STX7: variants seen among roughly 807,000 people sequenced by gnomAD.
STX7 encodes the protein syntaxin 7.
Under a neutral mutation model 39.6 loss-of-function variants are expected in STX7, and 34 were observed. The observed-to-expected ratio is 0.86, with a 90% CI of 0.65 to 1.14. The LOEUF (loss-of-function observed/expected upper bound fraction) is 1.14, where lower values mean the gene tolerates loss of function less well. Among genes scored for constraint, STX7 ranks in the 50% most tolerant of loss-of-function variants. The pLI, the probability that STX7 is intolerant of heterozygous loss-of-function variation, is 0.00. For synonymous variants in STX7, 119 were observed against 99.1 expected (o/e 1.20, Z -1.19); for missense variants, 284 against 310.4 (o/e 0.92, Z 0.64).
chr6:132,508,262 C>T (rs1775756779), intron 1 of STX7, among the ~76,000 whole-genome samples: 1 of 152,228 alleles, frequency 6.6e-6, no homozygotes, highest in South Asian at 2.1e-4. Context: ...CAGTATTCTA[C>T]AGCATTTTCC....
chr6:132,506,908 T>C (rs79594203), intron 1 of STX7, among the ~76,000 whole-genome samples: 113 of 152,306 alleles, frequency 7.4e-4, no homozygotes, highest in African/African-American at 2.0e-3. Context: ...ATCAAGTGTC[T>C]ATTAACATTC....
rs957264640 is a variant in STX7, at chr6:132,447,255, A to G, written c.*13503T>C. ...AGCTGACTGACATAGAGCGTTTCTT[A>G]TCAGTCAACAAAACTATTTCCAGAG... On this transcript the variant is annotated 3_prime_UTR_variant, in exon 10 of 10. Transcript: ENST00000367941. 2.0e-5 allele frequency: 3 copies of G among 152,208 alleles called. No homozygotes were observed. Among genetic ancestry groups the G allele is most frequent in the Admixed American group, 6.5e-5 (1 of 15,272 alleles). The allele number at this position is 152,208 out of a possible 1,614,324, so 9.4% of individuals were successfully genotyped here.
intron 9 of STX7, among the ~76,000 whole-genome samples, chr6:132,463,439 G>T (rs530570944): frequency 6.6e-6 from 1 of 152,192 alleles, no homozygotes; most frequent in East Asian, 1.9e-4. Context: ...CATGCATGTG[G>T]ACTCCCTATA....
chr6:132,478,546 C>G lies in STX7; in HGVS notation c.86-2884G>C, dbSNP rs1304150803. Among the ~76,000 whole-genome samples, 3 of 152,142 alleles carry G rather than the reference C, an allele frequency of 2.0e-5. No individual in the cohort carries two copies. The East Asian group carries it at 5.8e-4, about 29-fold the overall frequency. On this transcript the variant is annotated intron_variant, in intron 2 of 9. Coordinates refer to ENST00000367941, the MANE Select transcript of STX7 (RefSeq NM_003569.3). ...AATAAAACCAAGGGCATTATCTATT[C>G]CCTGGGAATTACTCAGAAATGCCAC...
At chr6:132,511,485 A>G (rs1478681917) in intron 1 of STX7, among the ~76,000 whole-genome samples, 1 of 152,126 alleles carries the variant, frequency 6.6e-6, no homozygotes, top group Non-Finnish European at 1.5e-5. Context: ...CGAATTAATC[A>G]CTGTTTATTA....
intron 2 of STX7, among the ~76,000 whole-genome samples, chr6:132,489,613 G>C (rs1775226851): frequency 6.6e-6 from 1 of 152,198 alleles, no homozygotes; most frequent in African/African-American, 2.4e-5. Context: ...GAAAGTGTGG[G>C]AAGGGAGATG....
At position 132,456,411 on chromosome 6, in the gene STX7, T is replaced by C. The variant is rs963398074; in HGVS notation, c.*4347A>G. On this transcript the variant is annotated 3_prime_UTR_variant, in exon 10 of 10. Coordinates refer to ENST00000367941, the MANE Select transcript of STX7 (RefSeq NM_003569.3). Reference sequence around the variant, plus strand: ...ATATGCCAAATAACAAAACATAAACTCCCTGAGGGCAGGAAGCTTATTCTT... The same window carrying C: ...ATATGCCAAATAACAAAACATAAACCCCCTGAGGGCAGGAAGCTTATTCTT... 6.6e-6 allele frequency: 1 copy of C among 152,036 alleles called. No homozygotes were observed. Among genetic ancestry groups the C allele is most frequent in the Admixed American group, 6.5e-5 (1 of 15,268 alleles). The allele number at this position is 152,036 out of a possible 1,614,324, so 9.4% of individuals were successfully genotyped here. A position where few individuals can be genotyped will look rare whatever the true frequency, so the allele number is the denominator to read the frequency against.
At chr6:132,496,285 C>T (rs759197135) in intron 2 of STX7, among the ~76,000 whole-genome samples, 7 of 152,022 alleles carry the variant, frequency 4.6e-5, no homozygotes, top group Admixed American at 2.0e-4. Flanking sequence ...TACTCAAATG[C>T]GAGAATTCAC....
At position 132,463,263 on chromosome 6, in the gene STX7, G is replaced by C. The variant is rs1260490038; in HGVS notation, c.693+730C>G. ...ATAATTATGAATGATAGCAACAAAG[G>C]AATGGAGTTTTAAAAAGGAAATCAA... is the stretch of plus-strand genomic sequence containing the variant. On this transcript the variant is annotated intron_variant, in intron 9 of 9. Coordinates refer to ENST00000367941, the MANE Select transcript of STX7 (RefSeq NM_003569.3). 2.0e-5 allele frequency among the ~76,000 whole-genome samples: 3 copies of C among 152,030 alleles called. No homozygotes were observed. In the East Asian group the frequency reaches 5.8e-4, roughly 29 times the overall value.
In STX7 at chr6:132,450,048, TG is replaced by T. The variant is rs941514999; in HGVS notation, c.*10709del. ...AATCTTAGGTTCACTTTCTTTACTT[TG>T]CCTGGAGTCCATGGCTTAAGTCTCA... On this transcript the variant is annotated 3_prime_UTR_variant, in exon 10 of 10. Transcript: ENST00000367941. 2.0e-5 allele frequency: 3 copies of T among 152,258 alleles called. No individual in the cohort carries two copies. The highest frequency in any genetic ancestry group is 4.4e-5 in the Non-Finnish European group (3 of 68,042). The allele number at this position is 152,258 out of a possible 1,614,324, so 9.4% of individuals were successfully genotyped here. A position where few individuals can be genotyped will look rare whatever the true frequency, so the allele number is the denominator to read the frequency against.
At chr6:132,509,863 A>T (rs962173762) in intron 1 of STX7, among the ~76,000 whole-genome samples, 1 of 152,248 alleles carries the variant, frequency 6.6e-6, no homozygotes, top group Non-Finnish European at 1.5e-5. Context: ...ATGCTGAGTT[A>T]TTCAGATGTC....
At chr6:132,471,366 G>A in intron 5 of STX7, 97 bp downstream of exon 5, 1 of 1,337,340 alleles carries the variant, frequency 7.5e-7, no homozygotes. Context: ...GATATTCACA[G>A]ATCTTTATGA....
intron 9 of STX7, among the ~76,000 whole-genome samples, chr6:132,461,369 C>CA (rs1379386412): frequency 6.6e-6 from 1 of 152,010 alleles, no homozygotes; most frequent in African/African-American, 2.4e-5. Context: ...TGCAGTGGCA[C>CA]AATCTTGGCT....
At chr6:132,470,888 T>C (rs1774702002) in intron 5 of STX7, among the ~76,000 whole-genome samples, 1 of 152,156 alleles carries the variant, frequency 6.6e-6, no homozygotes, top group Non-Finnish European at 1.5e-5. Context: ...TTCTCAAGGA[T>C]CAAATAAGTA....
rs989305040 is a variant in STX7, at chr6:132,456,743, C to G, written c.*4015G>C. On this transcript the variant is annotated 3_prime_UTR_variant, in exon 10 of 10. Coordinates refer to ENST00000367941, the MANE Select transcript of STX7 (RefSeq NM_003569.3). ...TCCACTTCACGTGGTTTGAACTGTACATCTCAGTGTTTGTTTCACAATTAT... is the reference window on the plus strand; with the variant it reads ...TCCACTTCACGTGGTTTGAACTGTAGATCTCAGTGTTTGTTTCACAATTAT... The G allele has an allele frequency of 6.6e-6, 1 of 152,176 alleles. No homozygotes were observed. 9.4% of individuals were successfully genotyped at this position (152,176 alleles called of 1,614,324 possible).
chr6:132,496,709 A>G (rs2114456256), intron 2 of STX7, among the ~76,000 whole-genome samples: 1 of 152,344 alleles, frequency 6.6e-6, no homozygotes, highest in Middle Eastern at 3.4e-3. Flanking sequence ...GAAAATACAC[A>G]TGAGAAAACC....
intron 2 of STX7, among the ~76,000 whole-genome samples, 183 bp from the exon 3 acceptor site, chr6:132,475,845 A>C (rs908416237): frequency 3.3e-5 from 5 of 152,208 alleles, no homozygotes; most frequent in African/African-American, 1.2e-4. Flanking sequence ...ATTAGTAACA[A>C]AAATTTTCAA....
At chr6:132,471,664 A>T in intron 4 of STX7, 64 bp from the exon 5 acceptor site, 4 of 1,584,580 alleles carry the variant, frequency 2.5e-6, no homozygotes, top group Non-Finnish European at 3.4e-6. Context: ...AATTTGCGGT[A>T]GTTGGCTCTT....
chr6:132,508,815 A>G (rs2114487610), intron 1 of STX7, among the ~76,000 whole-genome samples: 1 of 152,318 alleles, frequency 6.6e-6, no homozygotes, highest in South Asian at 2.1e-4. Context: ...TCTAGCCAGG[A>G]ATCATGTGTG....
Sources: allele counts gnomAD v4.1 joint callset (sites outside exome capture counted in the v4.1 genomes callset), GRCh38; gene constraint gnomAD v4.1.1; transcripts MANE v1.5; gene names NCBI Gene and HGNC (gene_info 2026-07-23, HGNC 2026-07-21).